Variants in XIRP2 observed in about 807,000 individuals in gnomAD.
XIRP2 encodes xin actin binding repeat containing 2, also known as xin actin-binding repeat-containing protein 2.
XIRP2 carries 236 observed loss-of-function variants against 277.0 expected under a neutral mutation model. That is an observed-to-expected ratio of 0.85 (90% CI 0.77 to 0.95). XIRP2 has a LOEUF of 0.95. Ranked by LOEUF, XIRP2 falls within the 40% of genes least tolerant of loss-of-function variation. XIRP2 has a pLI of 0.00. For missense variants in XIRP2, 4,640 were observed against 4,157.5 expected (o/e 1.12, Z -3.19); for synonymous variants, 1,490 against 1,416.5 (o/e 1.05, Z -1.17).
chr2:167,120,668 T>C (rs1004753129), intron 2 of XIRP2, among the ~76,000 whole-genome samples: 3 of 152,158 alleles, frequency 2.0e-5, no homozygotes, highest in African/African-American at 7.2e-5. Context: ...CTCTGTCTTA[T>C]ATAAAGCGTG....
intron 2 of XIRP2, among the ~76,000 whole-genome samples, chr2:167,096,020 C>T (rs906627673): frequency 4.0e-5 from 6 of 150,988 alleles, no homozygotes; most frequent in South Asian, 2.1e-4. Context: ...ACTACAGGCG[C>T]CCACCACCAC....
intron 2 of XIRP2, among the ~76,000 whole-genome samples, chr2:167,047,604 C>A (rs938591691): frequency 1.2e-4 from 18 of 151,826 alleles, no homozygotes; most frequent in Admixed American, 1.1e-3. Flanking sequence ...AGTAACGAAA[C>A]TTTTTTTAAA....
rs1258694338 is a variant in XIRP2 at position 167,245,508 on chromosome 2, A to G, written c.4116A>G (p.Lys1372=). 1.9e-6 allele frequency: 3 copies of G among 1,613,636 alleles called. No homozygotes were observed. The highest frequency in any genetic ancestry group is 2.5e-6 in the Non-Finnish European group (3 of 1,179,734). ...AATCAGAAACTGTGTATGTTATTAA[A>G]TCTGTCACACAAGAAGACATTCAGA... The part of the protein sequence containing the change: ...INKSETVYVI[K]SVTQEDIQKG... The change falls in exon 9 of 11, where the codon AAA becomes AAG. Residue 1372 remains lysine (K), a synonymous_variant. Coordinates refer to ENST00000409195, the MANE Select transcript of XIRP2 (RefSeq NM_152381.6).
intron 2 of XIRP2, among the ~76,000 whole-genome samples, chr2:166,927,533 A>G (rs573910155): frequency 3.3e-5 from 5 of 152,090 alleles, no homozygotes; most frequent in Non-Finnish European, 7.4e-5. Flanking sequence ...CCCTTCTTCC[A>G]TCTTCAAAGC....
chr2:166,893,369 A>G (rs1684158697), intron 1 of XIRP2, among the ~76,000 whole-genome samples: 1 of 152,154 alleles, frequency 6.6e-6, no homozygotes, highest in African/African-American at 2.4e-5. Flanking sequence ...AATTATTTGC[A>G]TTTTTAAAAA....
intron 1 of XIRP2, among the ~76,000 whole-genome samples, chr2:166,899,749 T>C (rs1338429295): frequency 2.6e-5 from 4 of 152,122 alleles, no homozygotes; most frequent in Non-Finnish European, 5.9e-5. Flanking sequence ...ACATTGTTCT[T>C]TCTGTATAAG....
At chr2:167,168,322 T>C (rs551871090) in intron 3 of XIRP2, among the ~76,000 whole-genome samples, 11 of 152,150 alleles carry the variant, frequency 7.2e-5, no homozygotes, top group Non-Finnish European at 1.5e-4. Context: ...ATTTCAAATA[T>C]TTTTTCTGTT....
chr2:167,180,866 TC>T (rs1692989526), intron 3 of XIRP2, among the ~76,000 whole-genome samples: 1 of 152,196 alleles, frequency 6.6e-6, no homozygotes, highest in African/African-American at 2.4e-5. Flanking sequence ...AATACTTGGA[TC>T]CTGTAATTTC....
chr2:167,152,161 T>C (rs1455814551), intron 3 of XIRP2, among the ~76,000 whole-genome samples: 1 of 152,118 alleles, frequency 6.6e-6, no homozygotes, highest in Non-Finnish European at 1.5e-5. Context: ...TATTTTAAGC[T>C]GAAGGAATTT....
At chr2:167,030,961 T>G (rs1688328925) in intron 2 of XIRP2, among the ~76,000 whole-genome samples, 1 of 152,158 alleles carries the variant, frequency 6.6e-6, no homozygotes, top group South Asian at 2.1e-4. Context: ...TCTTTGTGTT[T>G]CTTGATCTTT....
intron 1 of XIRP2, among the ~76,000 whole-genome samples, chr2:166,898,379 A>T (rs1382028741): frequency 6.6e-6 from 1 of 152,172 alleles, no homozygotes; most frequent in East Asian, 1.9e-4. Context: ...TTGCCATCCT[A>T]TGCCACTGCA....
At chr2:166,962,457 G>A (rs1426769444) in intron 2 of XIRP2, among the ~76,000 whole-genome samples, 2 of 151,580 alleles carry the variant, frequency 1.3e-5, no homozygotes. Context: ...TTTGTTTATA[G>A]GGACTCTAAA....
intron 2 of XIRP2, among the ~76,000 whole-genome samples, chr2:166,925,840 C>A (rs1167735068): frequency 1.3e-5 from 2 of 151,608 alleles, no homozygotes; most frequent in African/African-American, 4.8e-5. Flanking sequence ...GAGGCCTAGG[C>A]AGGAGGATCA....
At chr2:167,050,525 A>T (rs537308772) in intron 2 of XIRP2, among the ~76,000 whole-genome samples, 1 of 151,966 alleles carries the variant, frequency 6.6e-6, no homozygotes, top group Non-Finnish European at 1.5e-5. Flanking sequence ...TTGGCATAGA[A>T]CTGTTAGAAT....
Position 167,161,205 on chromosome 2 carries a change from G to T in XIRP2, c.562+25143G>T, listed in dbSNP as rs374573667. On this transcript the variant is annotated intron_variant, in intron 3 of 10. Transcript: ENST00000409195. ...CACAGGCTGGTGTTGAGTGTCTGTG[G>T]GTTTTCTAGGCAGACAATGCAAGCT... Among the ~76,000 whole-genome samples, 4 of 152,274 alleles carry T rather than the reference G, an allele frequency of 2.6e-5. No individual in the cohort carries two copies. The South Asian group carries it at 6.2e-4, about 24-fold the overall frequency.
intron 2 of XIRP2, among the ~76,000 whole-genome samples, chr2:166,952,613 G>A (rs1053861156): frequency 2.0e-5 from 3 of 151,860 alleles, no homozygotes; most frequent in African/African-American, 7.3e-5. Context: ...CACGAATCCT[G>A]AAATAATAAA....
In XIRP2 at chr2:167,250,326, A is replaced by C; in HGVS notation, c.8934A>C (p.Thr2978=). 1 of 1,613,428 alleles carries C rather than the reference A, an allele frequency of 6.2e-7. No homozygotes were observed. The highest frequency in any genetic ancestry group is 8.5e-7 in the Non-Finnish European group (1 of 1,179,668). Residue 2978 remains threonine (T), a synonymous_variant, in exon 9 of 11, where the codon ACA becomes ACC. Transcript: ENST00000409195. ...PNKSGLKTFQ[T]LLNTIPGWLI... is the part of the protein sequence containing the mutation. ...AAAGTGGCCTTAAAACATTTCAGAC[A>C]CTATTAAATACTATCCCAGGATGGC...
intron 2 of XIRP2, among the ~76,000 whole-genome samples, chr2:166,999,790 G>T (rs1430952388): frequency 6.6e-6 from 1 of 152,044 alleles, no homozygotes; most frequent in East Asian, 1.9e-4. Flanking sequence ...CTGACATAGA[G>T]AACTAAAAAT....
intron 2 of XIRP2, among the ~76,000 whole-genome samples, chr2:167,017,140 C>T (rs1441037247): frequency 6.6e-6 from 1 of 151,870 alleles, no homozygotes; most frequent in Non-Finnish European, 1.5e-5. Context: ...TTTCTGTGGA[C>T]CTTCATGAAA....
Sources: allele counts gnomAD v4.1 joint callset (sites outside exome capture counted in the v4.1 genomes callset), GRCh38; gene constraint gnomAD v4.1.1; transcripts MANE v1.5; gene names NCBI Gene and HGNC (gene_info 2026-07-23, HGNC 2026-07-21).